Variants in SLC6A5 observed in about 807,000 individuals in gnomAD.
The protein encoded by SLC6A5 is sodium- and chloride-dependent glycine transporter 2.
In SLC6A5, 58 loss-of-function variants were observed where a neutral mutation model predicts 90.5. The observed-to-expected ratio is 0.64, with a 90% CI of 0.52 to 0.80. The LOEUF is 0.80. Ranked by LOEUF, SLC6A5 falls within the 30% of genes least tolerant of loss-of-function variation. SLC6A5 has a pLI of 0.00. For synonymous variants in SLC6A5, 427 were observed against 401.4 expected (o/e 1.06, Z -0.76); for missense variants, 1,015 against 1,017.6 (o/e 1.00, Z 0.03).
intron 5 of SLC6A5, among the ~76,000 whole-genome samples, chr11:20,611,651 A>G (rs1051405467): frequency 2.0e-4 from 30 of 150,922 alleles, no homozygotes; most frequent in Non-Finnish European, 8.8e-5. Context: ...TTATGATTAA[A>G]CCTCTTTCTC....
chr11:20,649,080 G>A (rs1274324939), intron 14 of SLC6A5, among the ~76,000 whole-genome samples: 1 of 152,148 alleles, frequency 6.6e-6, no homozygotes, highest in Non-Finnish European at 1.5e-5. Context: ...TTAGAGTTTG[G>A]CCAGTTTGGA....
At chr11:20,626,615 C>T (rs1017693842) in intron 7 of SLC6A5, 93 bp from the exon 8 acceptor site, 26 of 1,389,918 alleles carry the variant, frequency 1.9e-5, no homozygotes, top group Non-Finnish European at 2.2e-5. Context: ...CTCTGTCATG[C>T]GCAGCCCCAC....
At chr11:20,604,222 T>C in intron 2 of SLC6A5, 64 bp from the exon 3 acceptor site, 1 of 1,512,758 alleles carries the variant, frequency 6.6e-7, no homozygotes, top group Non-Finnish European at 8.9e-7. Context: ...GGGGGGAGGG[T>C]GGAAGGGGCC....
intron 6 of SLC6A5, among the ~76,000 whole-genome samples, chr11:20,616,346 A>G (rs1409584708): frequency 6.6e-6 from 1 of 152,208 alleles, no homozygotes; most frequent in African/African-American, 2.4e-5. Flanking sequence ...AAAGACCGCC[A>G]AAAGCAGGTT....
Position 20,630,819 on chromosome 11 carries a change from C to T in SLC6A5, c.1624+4C>T. 6.2e-7 allele frequency: 1 copy of T among 1,614,106 alleles called. No homozygotes were observed. Among genetic ancestry groups the T allele is most frequent in the Non-Finnish European group, 8.5e-7 (1 of 1,179,928 alleles). On this transcript the variant is annotated splice_donor_region_variant and intron_variant, in intron 10 of 15. Coordinates refer to ENST00000525748, the MANE Select transcript of SLC6A5 (RefSeq NM_004211.5). ...ATTGAGAATGTGGCAGACCAAGGTA[C>T]AGGACAGTTGTTACCCTGCTGTTGC...
At chr11:20,612,130 C>T (rs796953197) in intron 5 of SLC6A5, among the ~76,000 whole-genome samples, 26 of 152,280 alleles carry the variant, frequency 1.7e-4, no homozygotes, top group African/African-American at 6.3e-4. Context: ...TCCATTTTTA[C>T]CCAACATTCT....
At chr11:20,634,805 C>G (rs1590173788) in intron 10 of SLC6A5, among the ~76,000 whole-genome samples, 1 of 152,142 alleles carries the variant, frequency 6.6e-6, no homozygotes, top group East Asian at 1.9e-4. Context: ...TAAAAAAGTG[C>G]TGTTATGCTT....
chr11:20,638,336 G>A, intron 12 of SLC6A5, 123 bp from the exon 13 acceptor site: 1 of 731,534 alleles, frequency 1.4e-6, no homozygotes, highest in Non-Finnish European at 2.5e-6. Context: ...GAGGAGGGGA[G>A]ATGCATGGAC....
At chr11:20,607,790 T>C in intron 5 of SLC6A5, 138 bp downstream of exon 5, 1 of 687,510 alleles carries the variant, frequency 1.5e-6, no homozygotes, top group East Asian at 2.7e-5. Flanking sequence ...AACTATCAAA[T>C]ATACTTAATT....
intron 14 of SLC6A5, among the ~76,000 whole-genome samples, chr11:20,651,790 C>T (rs1853537328): frequency 1.3e-5 from 2 of 151,870 alleles, no homozygotes; most frequent in South Asian, 4.2e-4. Flanking sequence ...ATCTGTAATC[C>T]CAGCTATTCG....
chr11:20,632,716 C>T (rs1044198498), intron 10 of SLC6A5, among the ~76,000 whole-genome samples: 1 of 152,160 alleles, frequency 6.6e-6, no homozygotes, highest in African/African-American at 2.4e-5. Context: ...ATAATGGAGG[C>T]TCTGCAGAAT....
chr11:20,630,607 G>A, intron 9 of SLC6A5, 84 bp from the exon 10 acceptor site: 2 of 1,488,666 alleles, frequency 1.3e-6, no homozygotes, highest in Non-Finnish European at 1.9e-6. Context: ...ACAAACATGT[G>A]GGCACACATT....
chr11:20,638,724 A>C (rs1853258278), intron 13 of SLC6A5, among the ~76,000 whole-genome samples, 166 bp downstream of exon 13: 1 of 152,212 alleles, frequency 6.6e-6, no homozygotes, highest in Non-Finnish European at 1.5e-5. Context: ...CCTCACGACC[A>C]CTGTGATCCA....
At chr11:20,640,076 CA>C (rs1565286568) in intron 13 of SLC6A5, among the ~76,000 whole-genome samples, 1 of 152,164 alleles carries the variant, frequency 6.6e-6, no homozygotes, top group Non-Finnish European at 1.5e-5. Flanking sequence ...GCCCAGAAAC[CA>C]AAGACCTTGC....
chr11:20,658,473 C>G lies in SLC6A5; in HGVS notation c.*3605C>G, dbSNP rs541987828. 2 of 152,132 alleles carry G rather than the reference C, an allele frequency of 1.3e-5. No homozygotes were observed. Among genetic ancestry groups the G allele is most frequent in the East Asian group, 1.9e-4 (1 of 5,182 alleles). 9.4% of individuals were successfully genotyped at this position (152,132 alleles called of 1,614,324 possible). A position where few individuals can be genotyped will look rare whatever the true frequency, so the allele number is the denominator to read the frequency against. Reference sequence around the variant, plus strand: ...GGCCAACAGAGGAGCATTTCCTTCTCTTTCACACTGGGTATCAAGCAGAAA... The same window carrying G: ...GGCCAACAGAGGAGCATTTCCTTCTGTTTCACACTGGGTATCAAGCAGAAA... On this transcript the variant is annotated 3_prime_UTR_variant, in exon 16 of 16. Transcript: ENST00000525748.
At chr11:20,652,483 C>T (rs769376654) in intron 15 of SLC6A5, 27 bp downstream of exon 15, 1 of 1,597,574 alleles carries the variant, frequency 6.3e-7, no homozygotes, top group South Asian at 1.1e-5. Context: ...CTTTCCCTCC[C>T]AATTCCTCCC....
chr11:20,608,534 A>T (rs1852626512), intron 5 of SLC6A5, among the ~76,000 whole-genome samples: 1 of 152,250 alleles, frequency 6.6e-6, no homozygotes, highest in Admixed American at 6.5e-5. Context: ...TGCTGTAAGG[A>T]GAAAAGAAAT....
chr11:20,645,633 G>A (rs1412648577), intron 13 of SLC6A5, among the ~76,000 whole-genome samples: 1 of 113,140 alleles, frequency 8.8e-6, no homozygotes, highest in Non-Finnish European at 1.8e-5. Context: ...GAATGATGAA[G>A]TGTTTTTTTT....
chr11:20,634,595 G>T (rs1184703892), intron 10 of SLC6A5, among the ~76,000 whole-genome samples: 1 of 152,130 alleles, frequency 6.6e-6, no homozygotes, highest in Non-Finnish European at 1.5e-5. Context: ...TTGTTGTTCT[G>T]CATTTGAGAC....
Sources: allele counts gnomAD v4.1 joint callset (sites outside exome capture counted in the v4.1 genomes callset), GRCh38; gene constraint gnomAD v4.1.1; transcripts MANE v1.5; gene names NCBI Gene and HGNC (gene_info 2026-07-23, HGNC 2026-07-21).